The following GARNL3 variants were observed in gnomAD, a reference collection of about 807,000 sequenced individuals.
The protein encoded by GARNL3 is GTPase activating Rap/RanGAP domain like 3, also known as GTPase-activating Rap/Ran-GAP domain-like protein 3.
GARNL3 carries 63 observed loss-of-function variants against 125.0 expected under a neutral mutation model. The observed-to-expected ratio is 0.50, with a 90% CI of 0.41 to 0.62. The LOEUF (loss-of-function observed/expected upper bound fraction) is 0.62. GARNL3 is among the 20% of genes least tolerant of loss of function. The pLI, the probability that GARNL3 is intolerant of heterozygous loss-of-function variation, is 0.00. For synonymous variants in GARNL3, 439 were observed against 457.5 expected, an observed-to-expected ratio of 0.96 and a Z score of 0.52; for missense variants, 994 against 1,244.0, an observed-to-expected ratio of 0.80 and a Z score of 3.02.
chr9:127,262,654 C>G (rs938925201), upstream of GARNL3, among the ~76,000 whole-genome samples: 7 of 152,238 alleles, frequency 4.6e-5, no homozygotes, highest in African/African-American at 1.7e-4. Context: ...TAATGGCCAG[C>G]AGAGAATTAT....
At chr9:127,331,720 CTT>C (rs60448026) in intron 7 of GARNL3, among the ~76,000 whole-genome samples, 2 of 74,414 alleles carry the variant, frequency 2.7e-5, no homozygotes, top group Admixed American at 1.9e-4. Context: ...CTTGGGCTTG[CTT>C]TTTTTTTTTT....
intron 27 of GARNL3, 150 bp downstream of exon 27, chr9:127,390,917 C>A: frequency 1.4e-6 from 1 of 730,094 alleles, no homozygotes; most frequent in Non-Finnish European, 2.3e-6. Flanking sequence ...TGAGGGTCCC[C>A]AGACCCTCAG....
At chr9:127,346,983 C>CT (rs1830172146) in intron 16 of GARNL3, among the ~76,000 whole-genome samples, 2 of 152,230 alleles carry the variant, frequency 1.3e-5, no homozygotes, top group African/African-American at 4.8e-5. Context: ...ATGGCAAACA[C>CT]TGTCTGTCGT....
chr9:127,294,715 G>A (rs1273449067), intron 2 of GARNL3, among the ~76,000 whole-genome samples: 4 of 152,160 alleles, frequency 2.6e-5, no homozygotes, highest in African/African-American at 4.8e-5. Flanking sequence ...AAGTTATATC[G>A]GGAGTGCTTT....
chr9:127,370,137 G>A (rs1831527734), intron 22 of GARNL3, among the ~76,000 whole-genome samples: 1 of 152,232 alleles, frequency 6.6e-6, no homozygotes, highest in Non-Finnish European at 1.5e-5. Context: ...ACAAGGCACA[G>A]TGGTCGCATC....
intron 1 of GARNL3, among the ~76,000 whole-genome samples, chr9:127,239,178 A>T (rs1336886012): frequency 6.6e-6 from 1 of 152,188 alleles, no homozygotes; most frequent in East Asian, 1.9e-4. Flanking sequence ...CCTGACTTGT[A>T]GTCTTTCTTT....
chr9:127,310,970 G>T, intron 2 of GARNL3, among the ~76,000 whole-genome samples: 1 of 151,930 alleles, frequency 6.6e-6, no homozygotes, highest in Non-Finnish European at 1.5e-5. Context: ...TAACTTCTAA[G>T]AATTATCCTA....
At chr9:127,361,271 AAGAG>A (rs61658215) in intron 21 of GARNL3, among the ~76,000 whole-genome samples, 114 of 149,266 alleles carry the variant, frequency 7.6e-4, no homozygotes, top group Admixed American at 1.8e-3. Context: ...TATTTTTTTT[AAGAG>A]AGAGAGAGAG....
At chr9:127,371,371 C>T (rs1831597486) in intron 22 of GARNL3, among the ~76,000 whole-genome samples, 4 of 152,202 alleles carry the variant, frequency 2.6e-5, no homozygotes, top group Admixed American at 1.3e-4. Context: ...CCTCTGCCTT[C>T]CTTCACGTAG....
intron 1 of GARNL3, among the ~76,000 whole-genome samples, chr9:127,227,178 T>C (rs1168907617): frequency 6.6e-6 from 1 of 152,250 alleles, no homozygotes; most frequent in Admixed American, 6.5e-5. Flanking sequence ...TCCTTTGTCT[T>C]CATAACCTTA....
chr9:127,287,152 G>C (rs1455431791), intron 1 of GARNL3, among the ~76,000 whole-genome samples: 1 of 152,170 alleles, frequency 6.6e-6, no homozygotes, highest in Non-Finnish European at 1.5e-5. Flanking sequence ...GCCACCTCTA[G>C]GGAAATGGGG....
chr9:127,295,776 C>G (rs577075847), intron 2 of GARNL3, among the ~76,000 whole-genome samples: 2 of 152,060 alleles, frequency 1.3e-5, no homozygotes, highest in African/African-American at 4.8e-5. Context: ...AGTCCCCAAC[C>G]TTTTTAGCAC....
At chr9:127,332,994 C>A in intron 8 of GARNL3, 29 bp from the exon 9 acceptor site, 2 of 1,502,718 alleles carry the variant, frequency 1.3e-6, no homozygotes, top group South Asian at 1.1e-5. Flanking sequence ...GATGCCCATA[C>A]TTTCCTCATA....
chr9:127,333,261 T>C (rs1271933929), intron 9 of GARNL3, 140 bp downstream of exon 9: 3 of 657,740 alleles, frequency 4.6e-6, no homozygotes, highest in Admixed American at 5.4e-5. Flanking sequence ...CACACCCTGT[T>C]CAACATAGAG....
intron 14 of GARNL3, 147 bp from the exon 15 acceptor site, chr9:127,344,088 G>T: frequency 1.6e-6 from 1 of 613,022 alleles, no homozygotes; most frequent in Non-Finnish European, 2.9e-6. Context: ...CTGGTACACA[G>T]CAGGTGCTCC....
rs771501466 is a variant in GARNL3 at position 127,385,115 on chromosome 9, C to A, written c.2358C>A (p.Val786=). The stretch of plus-strand genomic sequence containing the variant: ...ACGGGAACCTGGTCCACACTGCAGT[C>A]GTGCCGCAGCTGCAGCTGGTGGCCT... The part of the protein sequence containing the change: ...VVNGNLVHTA[V]VPQLQLVASR... The change falls in exon 24 of 28, where the codon GTC becomes GTA. Residue 786 remains valine, a synonymous_variant. Coordinates refer to ENST00000373387, the MANE Select transcript of GARNL3 (RefSeq NM_032293.5). The surrounding 1 kb of genome is among the most constrained non-coding windows in gnomAD (Gnocchi z 4.1). 3 of 1,608,288 alleles carry A rather than the reference C, an allele frequency of 1.9e-6. No individual in the cohort carries two copies. The highest frequency in any genetic ancestry group is 2.7e-5 in the African/African-American group (2 of 74,912).
At chr9:127,322,718 A>G (rs1044111093) in intron 6 of GARNL3, among the ~76,000 whole-genome samples, 1 of 152,224 alleles carries the variant, frequency 6.6e-6, no homozygotes, top group Non-Finnish European at 1.5e-5. Context: ...TAAAAATGGT[A>G]GGAGCCAGAG....
At chr9:127,314,885 CAG>C (rs779680707) in intron 4 of GARNL3, among the ~76,000 whole-genome samples, 4 of 152,190 alleles carry the variant, frequency 2.6e-5, no homozygotes, top group South Asian at 2.1e-4. Context: ...GCCCAGGAAA[CAG>C]AGGCCTGAAG....
chr9:127,269,238 A>C (rs1325467445), intron 1 of GARNL3, among the ~76,000 whole-genome samples: 1 of 152,192 alleles, frequency 6.6e-6, no homozygotes, highest in Admixed American at 6.5e-5. Context: ...GGGCTCAAGC[A>C]GTCCTCCTGC....
Sources: gnomAD v4.1 joint callset for allele counts (sites outside exome capture counted in the v4.1 genomes callset) on GRCh38, gnomAD v4.1.1 for gene constraint, Gnocchi (gnomAD v3.1) non-coding constraint, MANE v1.5 for transcripts, NCBI Gene and HGNC (gene_info 2026-07-23, HGNC 2026-07-21) for gene names.